The following ZC3H12B variants were observed in gnomAD, a reference collection of about 807,000 sequenced individuals.
ZC3H12B encodes the protein probable ribonuclease ZC3H12B.
Under a neutral mutation model 43.9 loss-of-function variants are expected in ZC3H12B, and 7 were observed. The ratio of observed to expected loss-of-function variants is 0.16; its 90% CI spans 0.09 to 0.30. The LOEUF is 0.30. ZC3H12B is among the 10% of genes least tolerant of loss of function. The pLI, the probability that ZC3H12B is intolerant of heterozygous loss-of-function variation, is 1.00. For synonymous variants in ZC3H12B, 222 were observed against 241.7 expected, an observed-to-expected ratio of 0.92 and a Z score of 0.76; for missense variants, 475 against 670.2, an observed-to-expected ratio of 0.71 and a Z score of 3.22.
chrX:65,099,279 G>A, the ZC3H12B span, among the ~76,000 whole-genome samples: 1 of 111,853 alleles, frequency 8.9e-6, no homozygotes, highest in East Asian at 2.8e-4. Flanking sequence ...GTGGCTGTGG[G>A]TGCAGCTTCA....
At chrX:65,090,732 C>T in the ZC3H12B span, among the ~76,000 whole-genome samples, 1 of 111,247 alleles carries the variant, frequency 9.0e-6, no homozygotes, top group South Asian at 3.8e-4. Flanking sequence ...TGAGTGGGCC[C>T]TGTTACAATT....
chrX:65,399,353 A>T (rs1488108693), intron 3 of ZC3H12B, among the ~76,000 whole-genome samples: 1 of 112,362 alleles, frequency 8.9e-6, no homozygotes, highest in Non-Finnish European at 1.9e-5. Context: ...TAATAAGCAG[A>T]TTTTAAAATG....
the ZC3H12B span, among the ~76,000 whole-genome samples, chrX:65,269,217 C>A: frequency 2.7e-5 from 3 of 109,808 alleles, no homozygotes; most frequent in South Asian, 1.2e-3. Flanking sequence ...TGGTGGTAAA[C>A]GCCTGTAGTC....
intron 3 of ZC3H12B, among the ~76,000 whole-genome samples, chrX:65,482,281 CA>C (rs1399550877): frequency 2.8e-5 from 3 of 107,042 alleles, no homozygotes; most frequent in African/African-American, 1.0e-4. Context: ...ATAGGTAGCA[CA>C]AAAAGAAAAA....
the ZC3H12B span, among the ~76,000 whole-genome samples, chrX:65,224,383 G>A: frequency 8.9e-5 from 10 of 112,389 alleles, no homozygotes; most frequent in East Asian, 2.8e-3. Flanking sequence ...CTCTGAAATC[G>A]GGGGAGGGAG....
chrX:65,291,239 T>C, the ZC3H12B span, among the ~76,000 whole-genome samples: 1 of 110,951 alleles, frequency 9.0e-6, no homozygotes, highest in Non-Finnish European at 1.9e-5. Flanking sequence ...GTATGGAAAT[T>C]CCCCGACACA....
the ZC3H12B span, among the ~76,000 whole-genome samples, chrX:65,091,116 A>C: frequency 8.9e-6 from 1 of 111,833 alleles, no homozygotes. Flanking sequence ...GTATTTCTTT[A>C]TAGCAATGCA....
the ZC3H12B span, among the ~76,000 whole-genome samples, chrX:65,211,504 G>A: frequency 9.5e-6 from 1 of 105,463 alleles, no homozygotes; most frequent in East Asian, 2.9e-4. Context: ...TTATCAGTTA[G>A]GTGGTACTAT....
At chrX:65,308,818 C>T in the ZC3H12B span, among the ~76,000 whole-genome samples, 2 of 111,037 alleles carry the variant, frequency 1.8e-5, no homozygotes, top group Non-Finnish European at 3.8e-5. Flanking sequence ...CAAATTAGAA[C>T]TCAGAATTAA....
At chrX:65,419,913 G>T (rs1336887046) in intron 3 of ZC3H12B, among the ~76,000 whole-genome samples, 1 of 111,210 alleles carries the variant, frequency 9.0e-6, no homozygotes, top group Non-Finnish European at 1.9e-5. Context: ...CAGGATCCAG[G>T]CTCATTCTAC....
chrX:65,221,166 C>A, the ZC3H12B span, among the ~76,000 whole-genome samples: 1 of 111,602 alleles, frequency 9.0e-6, no homozygotes, highest in Non-Finnish European at 1.9e-5. Flanking sequence ...ATAATAGTGA[C>A]ACAACCTATC....
At chrX:65,087,072 T>TAAA in the ZC3H12B span, among the ~76,000 whole-genome samples, 2 of 110,478 alleles carry the variant, frequency 1.8e-5, no homozygotes, top group African/African-American at 6.6e-5. Flanking sequence ...GTCTTCTCTT[T>TAAA]AGGTCTGCTC....
At chrX:65,090,728 G>A in the ZC3H12B span, among the ~76,000 whole-genome samples, 37 of 111,096 alleles carry the variant, frequency 3.3e-4, no homozygotes, top group African/African-American at 1.1e-3. Context: ...AATCTGAGTG[G>A]GCCCTGTTAC....
the ZC3H12B span, among the ~76,000 whole-genome samples, chrX:65,154,582 C>T: frequency 8.9e-6 from 1 of 112,362 alleles, no homozygotes; most frequent in African/African-American, 3.2e-5. Context: ...TAAGATTTCA[C>T]CATTGGCCGT....
At chrX:65,189,713 G>A in the ZC3H12B span, among the ~76,000 whole-genome samples, 1 of 108,399 alleles carries the variant, frequency 9.2e-6, no homozygotes, top group Non-Finnish European at 1.9e-5. Context: ...TGTCAGATGA[G>A]TAGGTTGCGA....
the ZC3H12B span, among the ~76,000 whole-genome samples, chrX:65,101,599 AATACT>A: frequency 8.9e-6 from 1 of 112,339 alleles, no homozygotes; most frequent in Non-Finnish European, 1.9e-5. Context: ...ACCATCAGAG[AATACT>A]ATAAACACCT....
chrX:65,428,495 A>G (rs1234080278), intron 3 of ZC3H12B, among the ~76,000 whole-genome samples: 1 of 112,374 alleles, frequency 8.9e-6, no homozygotes, highest in Non-Finnish European at 1.9e-5. Flanking sequence ...GTTTTATTTC[A>G]GAAAGATAGT....
chrX:65,375,133 A>G (rs1454691446), intron 2 of ZC3H12B, among the ~76,000 whole-genome samples: 1 of 111,711 alleles, frequency 9.0e-6, no homozygotes, highest in Non-Finnish European at 1.9e-5. Context: ...GGGAGGGTAC[A>G]GCGGTTGTGA....
the ZC3H12B span, among the ~76,000 whole-genome samples, chrX:65,159,076 T>A: frequency 9.0e-6 from 1 of 111,719 alleles, no homozygotes; most frequent in Admixed American, 9.6e-5. Context: ...AAAGCTCAAA[T>A]GGTTGTAGAT....
Sources: gnomAD v4.1 joint callset for allele counts (sites outside exome capture counted in the v4.1 genomes callset) on GRCh38, gnomAD v4.1.1 for gene constraint, MANE v1.5 for transcripts, NCBI Gene and HGNC (gene_info 2026-07-23, HGNC 2026-07-21) for gene names.